The following LUC7L3 variants were observed in gnomAD, a reference collection of about 807,000 sequenced individuals.
LUC7L3 encodes the protein LUC7 like 3 pre-mRNA splicing factor.
In LUC7L3, 6 loss-of-function variants were observed where a neutral mutation model predicts 66.8. The observed-to-expected ratio is 0.09, with a 90% CI of 0.05 to 0.18. The LOEUF (loss-of-function observed/expected upper bound fraction) is 0.18. Ranked by LOEUF, LUC7L3 falls within the 10% of genes least tolerant of loss-of-function variation. LUC7L3 has a pLI of 1.00. For missense variants in LUC7L3, 341 were observed against 531.1 expected (o/e 0.64, Z 3.52); for synonymous variants, 160 against 174.7 (o/e 0.92, Z 0.66).
chr17:50,723,421 T>C (rs760711461), intron 1 of LUC7L3: 3 of 152,336 alleles, frequency 2.0e-5, no homozygotes, highest in Non-Finnish European at 4.4e-5. Context: ...AAAGGAAAAA[T>C]AGCTAAAGCT....
At chr17:50,746,484 A>G (rs879494532) in intron 8 of LUC7L3, 58 bp from the exon 9 acceptor site, 5 of 1,500,024 alleles carry the variant, frequency 3.3e-6, no homozygotes, top group Non-Finnish European at 4.5e-6. Context: ...CATCTACTCC[A>G]AGGCCTTTAC....
Position 50,756,174 on chromosome 17 carries a change from TG to T in LUC7L3, c.*5514del, listed in dbSNP as rs1224906070. 6.6e-6 allele frequency: 1 copy of T among 151,986 alleles called. No homozygotes were observed. The highest frequency in any genetic ancestry group is 1.5e-5 in the Non-Finnish European group (1 of 68,068). 9.4% of individuals were successfully genotyped at this position (151,986 alleles called of 1,614,324 possible). On this transcript the variant is annotated 3_prime_UTR_variant, in exon 10 of 10. Coordinates refer to ENST00000505658, the MANE Select transcript of LUC7L3 (RefSeq NM_016424.5). ...ATCTGTATGTTTATGTGCTTTTGTATGTATGATATTTCTTAATAAAATTTAA... is the reference window on the plus strand; with the variant it reads ...ATCTGTATGTTTATGTGCTTTTGTATTATGATATTTCTTAATAAAATTTAA...
In LUC7L3 at chr17:50,744,423, A is replaced by G. The variant is rs778401010; in HGVS notation, c.532-229A>G. On this transcript the variant is annotated intron_variant, in intron 6 of 9. Transcript: ENST00000505658. The stretch of plus-strand genomic sequence containing the variant: ...TTGTAAGGTAATGTGGGTGTTGAAC[A>G]TTGAACAGTGGGTCTCAACATTTCT... 1.1e-3 allele frequency among the ~76,000 whole-genome samples: 160 copies of G among 152,370 alleles called. 1 individual carries two copies. Among genetic ancestry groups the G allele is most frequent in the Middle Eastern group, 3.4e-3 (1 of 294 alleles).
At chr17:50,730,526 AAAAAAAAAAAAAGACCT>A (rs1390594732) in intron 1 of LUC7L3, among the ~76,000 whole-genome samples, 2 of 150,930 alleles carry the variant, frequency 1.3e-5, no homozygotes, top group East Asian at 3.9e-4. Flanking sequence ...AAAAAAAAAA[AAAAAAAAAAAAAGACCT>A]AAAAATAGTG....
In LUC7L3 at chr17:50,755,077, C is replaced by T. The variant is rs891498973; in HGVS notation, c.*4416C>T. The T allele has an allele frequency of 6.6e-6, 1 of 152,058 alleles. No homozygotes were observed. The highest frequency in any genetic ancestry group is 2.4e-5 in the African/African-American group (1 of 41,392). 9.4% of individuals were successfully genotyped at this position (152,058 alleles called of 1,614,324 possible). On this transcript the variant is annotated 3_prime_UTR_variant, in exon 10 of 10. Transcript: ENST00000505658. ...CAATTCTGTGGGATGGGACTTCATG[C>T]AGGATTGGTTTTCAAGTTTGATTTC...
At chr17:50,729,838 A>G (rs1225654728) in intron 1 of LUC7L3, among the ~76,000 whole-genome samples, 1 of 147,630 alleles carries the variant, frequency 6.8e-6, no homozygotes, top group African/African-American at 2.5e-5. Context: ...ACTGTTTCCA[A>G]CATGAGTTGT....
rs1363762809 is a variant in LUC7L3, at chr17:50,755,902, T to C, written c.*5241T>C. On this transcript the variant is annotated 3_prime_UTR_variant, in exon 10 of 10. Transcript: ENST00000505658. ...AGTGAAACTGAACTGCAGCTGTGTA[T>C]GTGAACATGGACAAAACTCAACAAT... The C allele has an allele frequency of 2.0e-5, 3 of 152,234 alleles. No homozygotes were observed. Among genetic ancestry groups the C allele is most frequent in the Non-Finnish European group, 4.4e-5 (3 of 68,054 alleles). The allele number at this position is 152,234 out of a possible 1,614,324, so 9.4% of individuals were successfully genotyped here. A position where few individuals can be genotyped will look rare whatever the true frequency, so the allele number is the denominator to read the frequency against.
At chr17:50,746,365 C>T (rs1414095713) in intron 8 of LUC7L3, among the ~76,000 whole-genome samples, 177 bp from the exon 9 acceptor site, 2 of 152,146 alleles carry the variant, frequency 1.3e-5, no homozygotes, top group Non-Finnish European at 2.9e-5. Flanking sequence ...ACCATCTTAG[C>T]ACTATTGGAG....
At chr17:50,722,188 A>ATTCTTTT (rs1968819753) in intron 1 of LUC7L3, 2 of 66,300 alleles carry the variant, frequency 3.0e-5, no homozygotes, top group African/African-American at 7.9e-5. Flanking sequence ...CCTCTTATGC[A>ATTCTTTT]TTCTTTTTTT....
chr17:50,729,144 A>G (rs1471021314), intron 1 of LUC7L3, among the ~76,000 whole-genome samples: 2 of 152,338 alleles, frequency 1.3e-5, no homozygotes, highest in East Asian at 1.9e-4. Flanking sequence ...GATATCAAAC[A>G]TTGAGATAAA....
intron 2 of LUC7L3, among the ~76,000 whole-genome samples, chr17:50,739,689 C>CATCAG (rs1382491211): frequency 1.2e-4 from 18 of 152,168 alleles, no homozygotes; most frequent in Non-Finnish European, 2.1e-4. Flanking sequence ...CAACAGAAAA[C>CATCAG]ATCAGAAGTG....
chr17:50,724,597 T>G lies in LUC7L3; in HGVS notation c.99+4766T>G, dbSNP rs79496976. Among the ~76,000 whole-genome samples the G allele has an allele frequency of 9.7e-3, 1,320 of 136,120 alleles. 30 individuals are homozygous for G. The highest frequency in any genetic ancestry group is 0.056 in the Admixed American group (700 of 12,590). The allele number at this position is 136,120 out of a possible 152,430, so 89.3% of individuals were successfully genotyped here. A position where few individuals can be genotyped will look rare whatever the true frequency, so the allele number is the denominator to read the frequency against. On this transcript the variant is annotated intron_variant, in intron 1 of 9. Coordinates refer to ENST00000505658, the MANE Select transcript of LUC7L3 (RefSeq NM_016424.5). The stretch of plus-strand genomic sequence containing the variant: ...AGTAAGGTATTTCGTAAATCTTTGG[T>G]TGCTTTAGGAAAATTGTGTGTGTGT...
chr17:50,747,290 A>G lies in LUC7L3; in HGVS notation c.1138+588A>G, dbSNP rs985233266. 1.7e-5 allele frequency among the ~76,000 whole-genome samples: 2 copies of G among 117,114 alleles called. 1 individual carries two copies. The highest frequency in any genetic ancestry group is 5.0e-4 in the South Asian group (2 of 3,968). 76.8% of individuals were successfully genotyped at this position (117,114 alleles called of 152,430 possible). On this transcript the variant is annotated intron_variant, in intron 9 of 9. Transcript: ENST00000505658. ...GCTGATTTACTGTGCTGTTGGCACTATTAATGGACTTTTTAATTTGTGTGG... is the reference window on the plus strand; with the variant it reads ...GCTGATTTACTGTGCTGTTGGCACTGTTAATGGACTTTTTAATTTGTGTGG...
intron 1 of LUC7L3, among the ~76,000 whole-genome samples, chr17:50,727,843 C>T (rs559303131): frequency 4.6e-5 from 7 of 151,870 alleles, no homozygotes; most frequent in Non-Finnish European, 7.4e-5. Context: ...TGGTGGCTCA[C>T]GCCAGTAATC....
At position 50,751,037 on chromosome 17, in the gene LUC7L3, T is replaced by C; in HGVS notation, c.*376T>C. ...AAGGTTGAACTGTTTTTTTTTTTCT[T>C]TTTGGTATTAAGTCCATCTTGTGTT... On this transcript the variant is annotated 3_prime_UTR_variant, in exon 10 of 10. Coordinates refer to ENST00000505658, the MANE Select transcript of LUC7L3 (RefSeq NM_016424.5). 1 of 1,438,316 alleles carries C rather than the reference T, an allele frequency of 7.0e-7. No individual in the cohort carries two copies. 89.1% of individuals were successfully genotyped at this position (1,438,316 alleles called of 1,614,324 possible). A position where few individuals can be genotyped will look rare whatever the true frequency, so the allele number is the denominator to read the frequency against.
chr17:50,721,055 A>G (rs1374354630), intron 1 of LUC7L3, among the ~76,000 whole-genome samples: 1 of 150,630 alleles, frequency 6.6e-6, no homozygotes, highest in Non-Finnish European at 1.5e-5. Flanking sequence ...TACCTTGACC[A>G]TCTTTCTTTT....
In LUC7L3 at chr17:50,740,375, C is replaced by T. The variant is rs376331912; in HGVS notation, c.206+30C>T. 8.2e-6 allele frequency: 13 copies of T among 1,593,930 alleles called. No homozygotes were observed. The African/African-American group carries it at 9.5e-5, about 12-fold the overall frequency. On this transcript the variant is annotated intron_variant, in intron 3 of 9. Coordinates refer to ENST00000505658, the MANE Select transcript of LUC7L3 (RefSeq NM_016424.5). Reference sequence around the variant, plus strand: ...GTTATTTTGCTTGTCATTTCCACCCCCCCAGTTATTAGTTGGTTTAAGTGG... The same window carrying T: ...GTTATTTTGCTTGTCATTTCCACCCTCCCAGTTATTAGTTGGTTTAAGTGG...
intron 6 of LUC7L3, among the ~76,000 whole-genome samples, chr17:50,744,151 TTAAAAA>T (rs1260357589): frequency 6.6e-6 from 1 of 152,266 alleles, no homozygotes; most frequent in Admixed American, 6.5e-5. Context: ...TACATCTTTG[TTAAAAA>T]TTAATACACC....
At chr17:50,728,598 G>T (rs1032973529) in intron 1 of LUC7L3, among the ~76,000 whole-genome samples, 2 of 152,078 alleles carry the variant, frequency 1.3e-5, no homozygotes, top group Admixed American at 1.3e-4. Context: ...TGTTGTCTAG[G>T]CCGGAGTGCA....
Sources: gnomAD v4.1 joint callset for allele counts (sites outside exome capture counted in the v4.1 genomes callset) on GRCh38, gnomAD v4.1.1 for gene constraint, MANE v1.5 for transcripts, NCBI Gene and HGNC (gene_info 2026-07-23, HGNC 2026-07-21) for gene names.